DOCK3: variants seen among roughly 807,000 people sequenced by gnomAD.
The protein encoded by DOCK3 is dedicator of cytokinesis protein 3.
Under a neutral mutation model 265.6 loss-of-function variants are expected in DOCK3, and 60 were observed. The ratio of observed to expected loss-of-function variants is 0.23; its 90% CI spans 0.18 to 0.28. The LOEUF is 0.28. Among genes scored for constraint, DOCK3 ranks in the 10% least tolerant of loss-of-function variants. DOCK3 has a pLI of 1.00. For missense variants in DOCK3, 1,981 were observed against 2,594.3 expected (o/e 0.76, Z 5.14); for synonymous variants, 881 against 938.0 (o/e 0.94, Z 1.11).
chr3:50,959,763 G>A (rs1292724820), intron 5 of DOCK3, among the ~76,000 whole-genome samples: 2 of 151,844 alleles, frequency 1.3e-5, no homozygotes, highest in African/African-American at 4.8e-5. Flanking sequence ...TGTATTTTTA[G>A]TAGAGATGGG....
At chr3:51,066,729 A>G (rs1021120171) in intron 6 of DOCK3, among the ~76,000 whole-genome samples, 5 of 152,190 alleles carry the variant, frequency 3.3e-5, no homozygotes, top group Non-Finnish European at 5.9e-5. Flanking sequence ...TCAACAGTAG[A>G]TCACACCCAA....
At chr3:50,871,591 T>C (rs995115757) in intron 3 of DOCK3, among the ~76,000 whole-genome samples, 3 of 152,192 alleles carry the variant, frequency 2.0e-5, no homozygotes, top group African/African-American at 4.8e-5. Flanking sequence ...TCTGTTATTA[T>C]TTCTTTTAGT....
intron 9 of DOCK3, among the ~76,000 whole-genome samples, chr3:51,091,487 G>A (rs1402826006): frequency 2.0e-5 from 3 of 152,104 alleles, no homozygotes; most frequent in Non-Finnish European, 4.4e-5. Flanking sequence ...TTTGAGACCA[G>A]CCTGACCAAC....
intron 5 of DOCK3, among the ~76,000 whole-genome samples, chr3:51,042,566 C>T (rs945309981): frequency 6.6e-6 from 1 of 152,042 alleles, no homozygotes; most frequent in Non-Finnish European, 1.5e-5. Flanking sequence ...CACTCCTGTT[C>T]GACATAATAT....
At chr3:51,336,276 A>G (rs9819195) in intron 35 of DOCK3, among the ~76,000 whole-genome samples, 12,541 of 152,014 alleles carry the variant, frequency 0.082, 1,155 homozygotes, top group East Asian at 0.34. Context: ...TCAGACATGA[A>G]GATTCTCACT....
At chr3:50,773,098 AC>A (rs2041375131) in intron 1 of DOCK3, among the ~76,000 whole-genome samples, 1 of 152,104 alleles carries the variant, frequency 6.6e-6, no homozygotes, top group South Asian at 2.1e-4. Flanking sequence ...GACACACAGA[AC>A]AATGGAACAG....
At chr3:51,039,073 G>A (rs1453422720) in intron 5 of DOCK3, among the ~76,000 whole-genome samples, 1 of 151,952 alleles carries the variant, frequency 6.6e-6, no homozygotes, top group African/African-American at 2.4e-5. Flanking sequence ...TCGGCTCACT[G>A]CAACCTCTGC....
intron 39 of DOCK3, among the ~76,000 whole-genome samples, chr3:51,349,691 G>C (rs1396000816): frequency 2.0e-5 from 3 of 152,210 alleles, no homozygotes; most frequent in Non-Finnish European, 4.4e-5. Flanking sequence ...AAAAGTTACA[G>C]ACCTTGGAAT....
At chr3:51,052,038 G>A (rs1359688037) in intron 5 of DOCK3, among the ~76,000 whole-genome samples, 4 of 152,074 alleles carry the variant, frequency 2.6e-5, no homozygotes, top group Admixed American at 6.6e-5. Flanking sequence ...AGATTTGGAG[G>A]GGGCATTTGA....
intron 32 of DOCK3, among the ~76,000 whole-genome samples, chr3:51,324,566 C>T (rs1167157406): frequency 2.6e-5 from 4 of 152,190 alleles, no homozygotes; most frequent in African/African-American, 9.6e-5. Flanking sequence ...AAAAAAACTA[C>T]TTTAAATTTC....
intron 5 of DOCK3, among the ~76,000 whole-genome samples, chr3:51,009,894 G>A (rs953456807): frequency 3.3e-5 from 5 of 152,206 alleles, no homozygotes; most frequent in African/African-American, 1.2e-4. Context: ...TCATTCAGGA[G>A]CAGGTTGTTC....
chr3:51,151,124 T>C (rs190412665), intron 10 of DOCK3, among the ~76,000 whole-genome samples: 2 of 152,246 alleles, frequency 1.3e-5, no homozygotes, highest in Admixed American at 1.3e-4. Flanking sequence ...GAGACTAGGA[T>C]CGCAACCCCT....
chr3:51,018,605 A>T (rs1332827616), intron 5 of DOCK3, among the ~76,000 whole-genome samples: 1 of 151,814 alleles, frequency 6.6e-6, no homozygotes, highest in Non-Finnish European at 1.5e-5. Context: ...TGTCTTGGAG[A>T]AGGGACCCGA....
In DOCK3 at chr3:51,361,629, G is replaced by A. The variant is rs1428272643; in HGVS notation, c.5007-230G>A. On this transcript the variant is annotated intron_variant, in intron 47 of 52. Transcript: ENST00000266037. The surrounding 1 kb of genome is among the most constrained non-coding windows in gnomAD (Gnocchi z 4.2). Reference sequence around the variant, plus strand: ...CATAAGCCATGTAGCTGTAGGTAGAGGCTTGTCCAGTGTACCACACCATTG... The same window carrying A: ...CATAAGCCATGTAGCTGTAGGTAGAAGCTTGTCCAGTGTACCACACCATTG... Among the ~76,000 whole-genome samples, 1 of 152,166 alleles carries A rather than the reference G, an allele frequency of 6.6e-6. No individual in the cohort carries two copies. Among genetic ancestry groups the A allele is most frequent in the Non-Finnish European group, 1.5e-5 (1 of 68,014 alleles).
At chr3:51,160,361 A>G (rs1157279679) in intron 11 of DOCK3, among the ~76,000 whole-genome samples, 194 bp from the exon 12 acceptor site, 1 of 152,230 alleles carries the variant, frequency 6.6e-6, no homozygotes, top group Non-Finnish European at 1.5e-5. Flanking sequence ...TAGTACAGGG[A>G]AGAGCTTTGG....
chr3:50,899,445 G>C (rs1433367765), intron 4 of DOCK3, among the ~76,000 whole-genome samples: 1 of 152,114 alleles, frequency 6.6e-6, no homozygotes, highest in Non-Finnish European at 1.5e-5. Flanking sequence ...GCCAGTCTGT[G>C]TCTTTTAATT....
chr3:50,823,883 T>C (rs1308309955), intron 2 of DOCK3, among the ~76,000 whole-genome samples: 1 of 152,248 alleles, frequency 6.6e-6, no homozygotes, highest in Non-Finnish European at 1.5e-5. Context: ...GTACCAGAAG[T>C]AGATATTATA....
intron 41 of DOCK3, among the ~76,000 whole-genome samples, 157 bp from the exon 42 acceptor site, chr3:51,355,932 G>A (rs1191716243): frequency 6.6e-6 from 1 of 152,166 alleles, no homozygotes; most frequent in African/African-American, 2.4e-5. Context: ...CTGAGCTTGG[G>A]TCTGATCTGC....
chr3:51,357,131 G>A lies in DOCK3; in HGVS notation c.4673G>A (p.Arg1558His), dbSNP rs767210173. ...IDAAVNGGIA[R>H]YQEAFFDKDY... is the part of the protein sequence containing the mutation. ...GCAGCTGTCAATGGAGGCATTGCAC[G>A]CTATCAGGAGGTAAGCTGTGGCCAC... The change falls in exon 44 of 53, where the codon CGC (arginine) becomes CAC (histidine). Residue 1558 changes from arginine (R) to histidine (H), a missense_variant. Arg to His is a conservative substitution (Grantham distance 29). This residue lies in a region of DOCK3 where 1,357 missense variants were observed against 1,866.8 expected (regional missense o/e 0.73). Coordinates refer to ENST00000266037, the MANE Select transcript of DOCK3 (RefSeq NM_004947.5). 8 of 1,611,756 alleles carry A rather than the reference G, an allele frequency of 5.0e-6. No homozygotes were observed. The highest frequency in any genetic ancestry group is 1.7e-5 in the Admixed American group (1 of 59,966).
Sources: gnomAD v4.1 joint callset for allele counts (sites outside exome capture counted in the v4.1 genomes callset) on GRCh38, gnomAD v4.1.1 for gene constraint, gnomAD v4.1.1 regional missense constraint, Gnocchi (gnomAD v3.1) non-coding constraint, MANE v1.5 for transcripts, NCBI Gene and HGNC (gene_info 2026-07-23, HGNC 2026-07-21) for gene names.